PTPRG: variants seen among roughly 807,000 people sequenced by gnomAD.
PTPRG encodes the protein receptor-type tyrosine-protein phosphatase gamma.
In PTPRG, 102 loss-of-function variants were observed where a neutral mutation model predicts 165.3. The observed-to-expected ratio is 0.62, with a 90% confidence interval of 0.53 to 0.73. PTPRG has a LOEUF of 0.73. Among genes scored for constraint, PTPRG ranks in the 30% least tolerant of loss-of-function variants. The probability of loss-of-function intolerance (pLI) is 0.00; values close to 1 mark genes in which losing one functional copy is unlikely to be tolerated. For missense variants in PTPRG, 1,866 were observed against 1,861.4 expected (o/e 1.00, Z -0.05); for synonymous variants, 675 against 669.5 (o/e 1.01, Z -0.13).
chr3:62,118,714 C>T (rs1702951880), intron 5 of PTPRG, among the ~76,000 whole-genome samples: 1 of 152,146 alleles, frequency 6.6e-6, no homozygotes. Context: ...GGTCTGTATA[C>T]AGTGGAAAAA....
At chr3:61,631,458 G>A (rs1701773571) in intron 1 of PTPRG, among the ~76,000 whole-genome samples, 1 of 152,124 alleles carries the variant, frequency 6.6e-6, no homozygotes, top group Admixed American at 6.5e-5. Flanking sequence ...AGTGGTTATT[G>A]TTAGTCTCTT....
intron 1 of PTPRG, among the ~76,000 whole-genome samples, chr3:61,741,504 T>A (rs961641133): frequency 2.0e-5 from 3 of 152,234 alleles, no homozygotes; most frequent in South Asian, 4.1e-4. Context: ...TCCTTTGGAA[T>A]GACCTAGAAT....
chr3:62,251,257 G>C (rs1701410114), intron 15 of PTPRG, among the ~76,000 whole-genome samples: 1 of 152,114 alleles, frequency 6.6e-6, no homozygotes. Flanking sequence ...TGGTGACGTG[G>C]GCCTGTAGTC....
intron 16 of PTPRG, among the ~76,000 whole-genome samples, chr3:62,259,590 C>A (rs191404417): frequency 6.6e-6 from 1 of 152,010 alleles, no homozygotes; most frequent in Non-Finnish European, 1.5e-5. Context: ...TTAAGAAAAA[C>A]GTTTTTAAAC....
chr3:62,160,560 A>C (rs575530556), intron 7 of PTPRG, among the ~76,000 whole-genome samples: 77 of 152,372 alleles, frequency 5.1e-4, no homozygotes, highest in African/African-American at 1.8e-3. Flanking sequence ...GAGGAGCCGG[A>C]CAACACATGG....
chr3:61,840,936 T>C (rs1268715346), intron 2 of PTPRG, among the ~76,000 whole-genome samples: 1 of 151,932 alleles, frequency 6.6e-6, no homozygotes, highest in Non-Finnish European at 1.5e-5. Context: ...GGCCTGCCGC[T>C]ATGCCTGGCT....
At chr3:61,828,551 G>A (rs187230005) in intron 2 of PTPRG, among the ~76,000 whole-genome samples, 183 of 152,358 alleles carry the variant, frequency 1.2e-3, no homozygotes. Flanking sequence ...GAAAGTGAAT[G>A]CATGGACTTG....
rs140353594 is a variant in PTPRG at position 61,717,577 on chromosome 3, A to G, written c.86-31301A>G. Among the ~76,000 whole-genome samples, 1,072 of 152,156 alleles carry G rather than the reference A, an allele frequency of 7.0e-3. 17 individuals are homozygous for G. The highest frequency in any genetic ancestry group is 0.029 in the South Asian group (141 of 4,824). ...CCGAGGCAAGCGGATCATGAGGTCA[A>G]GAGATCGAGACCATCCTGGTCAACA... On this transcript the variant is annotated intron_variant, in intron 1 of 29. Coordinates refer to ENST00000474889, the MANE Select transcript of PTPRG (RefSeq NM_002841.4).
chr3:62,195,330 G>C lies in PTPRG; in HGVS notation c.1327+160G>C, dbSNP rs1019833488. Among the ~76,000 whole-genome samples the C allele has an allele frequency of 6.6e-6, 1 of 152,124 alleles. No individual in the cohort carries two copies. The highest frequency in any genetic ancestry group is 1.5e-5 in the Non-Finnish European group (1 of 68,028). On this transcript the variant is annotated intron_variant, in intron 10 of 29. Coordinates refer to ENST00000474889, the MANE Select transcript of PTPRG (RefSeq NM_002841.4). This position sits in a 1 kb window ranked among gnomAD's most constrained non-coding sequence, Gnocchi z 4.4. ...CTATGCGGGAAGCCCTAGTAATTTA[G>C]GTCTTTTAGGTTGGAGGTTTTATCG...
chr3:62,239,060 A>T (rs1051021437), intron 14 of PTPRG, among the ~76,000 whole-genome samples: 21 of 152,190 alleles, frequency 1.4e-4, no homozygotes, highest in Non-Finnish European at 2.9e-4. Flanking sequence ...TATGGTGGGG[A>T]ATCATTGGAT....
chr3:62,062,979 T>C (rs1156845353), intron 4 of PTPRG, among the ~76,000 whole-genome samples: 3 of 152,234 alleles, frequency 2.0e-5, no homozygotes, highest in Admixed American at 1.3e-4. Context: ...TTACTTGCCC[T>C]GTGGTGTTAA....
chr3:62,195,304 C>A lies in PTPRG; in HGVS notation c.1327+134C>A. Reference sequence around the variant, plus strand: ...GAAGAATCAGTGTAGGGTTTTAAAGCCTATGCGGGAAGCCCTAGTAATTTA... The same window carrying A: ...GAAGAATCAGTGTAGGGTTTTAAAGACTATGCGGGAAGCCCTAGTAATTTA... On this transcript the variant is annotated intron_variant, in intron 10 of 29. Transcript: ENST00000474889. The surrounding 1 kb of genome is among the most constrained non-coding windows in gnomAD (Gnocchi z 4.4). 1.3e-6 allele frequency: 1 copy of A among 765,776 alleles called. No individual in the cohort carries two copies. The allele number at this position is 765,776 out of a possible 1,614,324, so 47.4% of individuals were successfully genotyped here.
Position 62,188,324 on chromosome 3 carries a change from A to T in PTPRG, c.1034-3145A>T, listed in dbSNP as rs1251801399. 6.6e-5 allele frequency among the ~76,000 whole-genome samples: 10 copies of T among 152,206 alleles called. No individual in the cohort carries two copies. The East Asian group carries it at 1.3e-3, about 21-fold the overall frequency. ...CAGGAGGTTGAAGCTGCAGTGAGCC[A>T]TGATCCAGCCACTGCACTCCAGCCT... On this transcript the variant is annotated intron_variant, in intron 8 of 29. Coordinates refer to ENST00000474889, the MANE Select transcript of PTPRG (RefSeq NM_002841.4).
intron 2 of PTPRG, among the ~76,000 whole-genome samples, chr3:61,875,062 C>G (rs913354248): frequency 6.6e-6 from 1 of 152,180 alleles, no homozygotes; most frequent in Non-Finnish European, 1.5e-5. Flanking sequence ...TCCTCTGCCG[C>G]GAGCTCTTAT....
Position 62,083,811 on chromosome 3 carries a change from C to G in PTPRG, c.615+5553C>G, listed in dbSNP as rs1701658695. On this transcript the variant is annotated intron_variant, in intron 5 of 29. Transcript: ENST00000474889. ...GCTTTCATCTACTTTCTCACTAGGA[C>G]CAAAGTGTCTTTTAACCATGCAACC... is the stretch of plus-strand genomic sequence containing the variant. 2.0e-5 allele frequency among the ~76,000 whole-genome samples: 3 copies of G among 152,176 alleles called. No individual in the cohort carries two copies. The South Asian group carries it at 6.2e-4, about 31-fold the overall frequency.
intron 1 of PTPRG, among the ~76,000 whole-genome samples, chr3:61,612,517 G>A (rs1355031488): frequency 6.6e-6 from 1 of 152,164 alleles, no homozygotes; most frequent in East Asian, 1.9e-4. Flanking sequence ...GTGAGCCCAG[G>A]TAGGTGCTGG....
intron 2 of PTPRG, among the ~76,000 whole-genome samples, chr3:61,859,177 G>A (rs1236476393): frequency 6.6e-6 from 1 of 152,090 alleles, no homozygotes; most frequent in East Asian, 1.9e-4. Flanking sequence ...ATATAGTAAT[G>A]TTTTAAAGCT....
intron 2 of PTPRG, among the ~76,000 whole-genome samples, chr3:61,768,537 G>T (rs1006975112): frequency 6.6e-5 from 10 of 152,308 alleles, no homozygotes; most frequent in African/African-American, 2.4e-4. Context: ...CTCAAAATCT[G>T]TGTCTGGAAC....
intron 8 of PTPRG, among the ~76,000 whole-genome samples, chr3:62,169,158 T>C (rs985085501): frequency 6.6e-6 from 1 of 152,116 alleles, no homozygotes; most frequent in African/African-American, 2.4e-5. Flanking sequence ...CTTTTGGTCA[T>C]GAAAACAGGA....
Sources: allele counts gnomAD v4.1 joint callset (sites outside exome capture counted in the v4.1 genomes callset), GRCh38; gene constraint gnomAD v4.1.1; non-coding constraint Gnocchi (gnomAD v3.1); transcripts MANE v1.5; gene names NCBI Gene and HGNC (gene_info 2026-07-23, HGNC 2026-07-21).